Variants in GLCCI1 observed in about 807,000 individuals in gnomAD.
The protein encoded by GLCCI1 is glucocorticoid induced 1.
GLCCI1 carries 24 observed loss-of-function variants against 52.2 expected under a neutral mutation model. That is an observed-to-expected ratio of 0.46 (90% CI 0.33 to 0.65). The LOEUF is 0.65. Among genes scored for constraint, GLCCI1 ranks in the 30% least tolerant of loss-of-function variants. The probability of loss-of-function intolerance (pLI) is 0.02; values close to 1 mark genes in which losing one functional copy is unlikely to be tolerated. For missense variants in GLCCI1, 704 were observed against 701.5 expected (o/e 1.00, Z -0.04); for synonymous variants, 310 against 276.5 (o/e 1.12, Z -1.20).
intron 6 of GLCCI1, among the ~76,000 whole-genome samples, chr7:8,081,220 G>C (rs1446610253): frequency 6.6e-6 from 1 of 152,074 alleles, no homozygotes; most frequent in Non-Finnish European, 1.5e-5. Context: ...GGCAGTGCTT[G>C]GCTCCTCCCC....
At chr7:8,082,372 A>G (rs1372397035) in intron 6 of GLCCI1, among the ~76,000 whole-genome samples, 2 of 152,190 alleles carry the variant, frequency 1.3e-5, no homozygotes, top group Non-Finnish European at 2.9e-5. Context: ...TTAATTATAT[A>G]GAAATCCAGA....
At chr7:8,011,793 G>T (rs1317513295) in intron 2 of GLCCI1, among the ~76,000 whole-genome samples, 1 of 141,276 alleles carries the variant, frequency 7.1e-6, no homozygotes, top group Non-Finnish European at 1.5e-5. Context: ...GTTTTTTCTT[G>T]TTGTTGTTGT....
intron 6 of GLCCI1, among the ~76,000 whole-genome samples, chr7:8,072,138 C>T (rs1782776556): frequency 6.6e-6 from 1 of 152,164 alleles, no homozygotes; most frequent in Non-Finnish European, 1.5e-5. Flanking sequence ...AAATAGTATC[C>T]TTCCTCTCTC....
intron 3 of GLCCI1, among the ~76,000 whole-genome samples, chr7:8,023,302 A>C (rs145601681): frequency 4.0e-4 from 61 of 152,280 alleles, no homozygotes; most frequent in African/African-American, 2.2e-4. Context: ...GGCGTGATCT[A>C]ATAGCTTTTT....
intron 1 of GLCCI1, among the ~76,000 whole-genome samples, chr7:7,971,171 G>A (rs75102108): frequency 0.015 from 2,315 of 152,224 alleles, 69 homozygotes; most frequent in African/African-American, 0.053. Flanking sequence ...TGCATTGGGA[G>A]GAATATGCTC....
chr7:7,981,025 A>G (rs56073406), intron 1 of GLCCI1: 33,809 of 504,612 alleles, frequency 0.067, 2,092 homozygotes, highest in African/African-American at 0.23. Flanking sequence ...AGTAGAAGAA[A>G]TAAAGGCAGA....
At chr7:8,054,853 A>G (rs1195336355) in intron 3 of GLCCI1, among the ~76,000 whole-genome samples, 1 of 152,012 alleles carries the variant, frequency 6.6e-6, no homozygotes, top group African/African-American at 2.4e-5. Context: ...CCTTCCTTTT[A>G]GGAGAATATA....
At chr7:8,060,757 A>T (rs1009147610) in intron 5 of GLCCI1, among the ~76,000 whole-genome samples, 2 of 152,186 alleles carry the variant, frequency 1.3e-5, no homozygotes, top group Admixed American at 6.5e-5. Context: ...GTTTTTGGCT[A>T]TTGTGAATAA....
At chr7:8,039,610 A>C (rs1019577198) in intron 3 of GLCCI1, among the ~76,000 whole-genome samples, 3 of 152,204 alleles carry the variant, frequency 2.0e-5, no homozygotes, top group African/African-American at 7.2e-5. Context: ...AGAGAGTAGA[A>C]TAATAGACAT....
Position 7,970,000 on chromosome 7 carries a change from C to A in GLCCI1, c.457+193C>A. The A allele has an allele frequency of 3.3e-6, 2 of 600,158 alleles. No homozygotes were observed. Among genetic ancestry groups the A allele is most frequent in the Non-Finnish European group, 2.2e-6 (1 of 447,864 alleles). 37.2% of individuals were successfully genotyped at this position (600,158 alleles called of 1,614,324 possible). On this transcript the variant is annotated intron_variant, in intron 1 of 7. Coordinates refer to ENST00000223145, the MANE Select transcript of GLCCI1 (RefSeq NM_138426.4). This position sits in a 1 kb window ranked among gnomAD's most constrained non-coding sequence, Gnocchi z 4.9. ...ACTGAAAAGCGACTTTTATTTGACC[C>A]TCATGCCGCCCCTCAGAGTCTCTCT...
chr7:8,081,583 C>T (rs1482448831), intron 6 of GLCCI1, among the ~76,000 whole-genome samples: 4 of 152,086 alleles, frequency 2.6e-5, no homozygotes, highest in Admixed American at 2.6e-4. Flanking sequence ...GTGTGGGCCC[C>T]ACAATATACC....
intron 3 of GLCCI1, among the ~76,000 whole-genome samples, chr7:8,050,088 G>A (rs1782224215): frequency 6.6e-6 from 1 of 152,092 alleles, no homozygotes; most frequent in South Asian, 2.1e-4. Context: ...GGGGGTGCGT[G>A]GTGTGTGGAA....
chr7:8,042,720 C>A (rs190234524), intron 3 of GLCCI1, among the ~76,000 whole-genome samples: 2 of 151,994 alleles, frequency 1.3e-5, no homozygotes, highest in African/African-American at 4.8e-5. Flanking sequence ...TTGCTTCTTA[C>A]GGATGAGCAA....
chr7:8,069,244 C>T (rs574528396), intron 5 of GLCCI1, among the ~76,000 whole-genome samples: 2 of 152,178 alleles, frequency 1.3e-5, no homozygotes, highest in Non-Finnish European at 2.9e-5. Flanking sequence ...GAACTGCTGC[C>T]AGTCGGTGTG....
In GLCCI1 at chr7:8,019,652, G is replaced by A. The variant is rs764166489; in HGVS notation, c.610-2831G>A. 2.6e-5 allele frequency among the ~76,000 whole-genome samples: 4 copies of A among 152,102 alleles called. 1 individual carries two copies. The East Asian group carries it at 7.7e-4, about 29-fold the overall frequency. On this transcript the variant is annotated intron_variant, in intron 2 of 7. Transcript: ENST00000223145. ...GAGTGTACTTACACAAACCTAGATG[G>A]TGTAGCCTACTACACACTGAGGCTA...
At chr7:7,970,456 A>G (rs922806523) in intron 1 of GLCCI1, 1 of 138,402 alleles carries the variant, frequency 7.2e-6, no homozygotes, top group Non-Finnish European at 1.5e-5. Context: ...TTCATGCATC[A>G]GAGCACTCCT....
Position 8,086,065 on chromosome 7 carries a change from C to T in GLCCI1, c.1299-128C>T, listed in dbSNP as rs988440570. Reference sequence around the variant, plus strand: ...TGTGCTATGGAAGATGTTTACCCCTCTGTATACACTTAACCCATCTCCTGC... The same window carrying T: ...TGTGCTATGGAAGATGTTTACCCCTTTGTATACACTTAACCCATCTCCTGC... On this transcript the variant is annotated intron_variant, in intron 7 of 7. Coordinates refer to ENST00000223145, the MANE Select transcript of GLCCI1 (RefSeq NM_138426.4). The surrounding 1 kb of genome is among the most constrained non-coding windows in gnomAD (Gnocchi z 4.4). The T allele has an allele frequency of 1.4e-6, 1 of 731,968 alleles. No individual in the cohort carries two copies. The highest frequency in any genetic ancestry group is 2.3e-6 in the Non-Finnish European group (1 of 442,496). The allele number at this position is 731,968 out of a possible 1,614,324, so 45.3% of individuals were successfully genotyped here.
At chr7:8,064,776 C>T (rs1053168992) in intron 5 of GLCCI1, among the ~76,000 whole-genome samples, 5 of 152,066 alleles carry the variant, frequency 3.3e-5, no homozygotes, top group Admixed American at 6.5e-5. Context: ...GGCATGGTCT[C>T]GGCTCACTGC....
At chr7:8,084,115 A>G (rs1271335556) in intron 6 of GLCCI1, among the ~76,000 whole-genome samples, 1 of 152,238 alleles carries the variant, frequency 6.6e-6, no homozygotes, top group Non-Finnish European at 1.5e-5. Flanking sequence ...TTATAAAAAT[A>G]ATGACACATT....
Sources: allele counts gnomAD v4.1 joint callset (sites outside exome capture counted in the v4.1 genomes callset), GRCh38; gene constraint gnomAD v4.1.1; non-coding constraint Gnocchi (gnomAD v3.1); transcripts MANE v1.5; gene names NCBI Gene and HGNC (gene_info 2026-07-23, HGNC 2026-07-21).